The following MPHOSPH8 variants were observed in gnomAD, a reference collection of about 807,000 sequenced individuals.
MPHOSPH8 encodes the protein M-phase phosphoprotein 8.
MPHOSPH8 carries 45 observed loss-of-function variants against 87.3 expected under a neutral mutation model. The ratio of observed to expected loss-of-function variants is 0.52; its 90% confidence interval spans 0.41 to 0.66. The LOEUF (loss-of-function observed/expected upper bound fraction) is 0.66, where lower values mean the gene tolerates loss of function less well. Ranked by LOEUF, MPHOSPH8 falls within the 30% of genes least tolerant of loss-of-function variation. The pLI, the probability that MPHOSPH8 is intolerant of heterozygous loss-of-function variation, is 0.00. For synonymous variants in MPHOSPH8, 366 were observed against 376.9 expected (o/e 0.97, Z 0.33); for missense variants, 883 against 1,020.2 (o/e 0.87, Z 1.83).
At chr13:19,671,092 G>C (rs747248574) in intron 12 of MPHOSPH8, 114 bp from the exon 13 acceptor site, 79 of 1,478,220 alleles carry the variant, frequency 5.3e-5, no homozygotes, top group Non-Finnish European at 6.9e-5. Context: ...ACAACATCTT[G>C]ACTTATGAAA....
At chr13:19,670,966 C>T in intron 12 of MPHOSPH8, 1 of 1,047,496 alleles carries the variant, frequency 9.5e-7, no homozygotes, top group Non-Finnish European at 1.3e-6. Context: ...ACTAAAAATG[C>T]ACGCCACCAC....
At chr13:19,671,141 G>A in intron 12 of MPHOSPH8, 65 bp from the exon 13 acceptor site, 1 of 1,572,484 alleles carries the variant, frequency 6.4e-7, no homozygotes, top group African/African-American at 1.4e-5. Context: ...TTACATCATT[G>A]GTGTTTTAAG....
At position 19,646,936 on chromosome 13, in the gene MPHOSPH8, A is replaced by G; in HGVS notation, c.863A>G (p.Glu288Gly). Residue 288 changes from glutamate (E) to glycine (G), a missense_variant, in exon 3 of 14, where the codon GAA becomes GGA. Coordinates refer to ENST00000361479, the MANE Select transcript of MPHOSPH8 (RefSeq NM_017520.4). ...GAAGGGCTACATTCCGACAGCAGAG[A>G]AGAGAAACAAAACACTAAAAGTGCA... The part of the protein sequence containing the change: ...DSEGLHSDSR[E>G]EKQNTKSARE... 3.1e-6 allele frequency: 5 copies of G among 1,593,274 alleles called. No individual in the cohort carries two copies. Among genetic ancestry groups the G allele is most frequent in the Non-Finnish European group, 3.4e-6 (4 of 1,175,124 alleles).
chr13:19,646,712 CA>C lies in MPHOSPH8; in HGVS notation c.644del (p.Lys215SerfsTer7). Reference protein sequence around the residue: ...SEAKEELKESKKPKKDEVKET... With the variant: ...SEAKEELKESXKPKKDEVKET... ...AAGCCAAAGAAGAACTAAAGGAGTC[CA>C]AAAAGCCCAAAAAAGATGAAGTAAA... On this transcript the variant is annotated frameshift_variant, in exon 3 of 14. Coordinates refer to ENST00000361479, the MANE Select transcript of MPHOSPH8 (RefSeq NM_017520.4). LOFTEE classifies it high-confidence loss of function. The C allele has an allele frequency of 6.3e-7, 1 of 1,586,338 alleles. No individual in the cohort carries two copies. Among genetic ancestry groups the C allele is most frequent in the Admixed American group, 1.9e-5 (1 of 52,592 alleles).
intron 5 of MPHOSPH8, among the ~76,000 whole-genome samples, chr13:19,652,312 T>C (rs4769038): frequency 0.94 from 143,381 of 152,160 alleles, 68,150 homozygotes; most frequent in Non-Finnish European, 1. Context: ...TTGCCTCACC[T>C]GGGAAATGCA....
At chr13:19,659,664 CAA>C (rs563692515) in intron 7 of MPHOSPH8, 2,957 of 312,770 alleles carry the variant, frequency 9.5e-3, no homozygotes, top group South Asian at 0.016. Context: ...ACTCCCATCT[CAA>C]AAAAAAAAAA....
chr13:19,670,820 CTTTTT>C (rs3052670), intron 12 of MPHOSPH8: 541 of 965,356 alleles, frequency 5.6e-4, no homozygotes, highest in Non-Finnish European at 6.8e-4. Flanking sequence ...AAATAAATCA[CTTTTT>C]TTTTTTTTTT....
At chr13:19,645,495 G>T (rs1184637917) in intron 2 of MPHOSPH8, among the ~76,000 whole-genome samples, 1 of 152,148 alleles carries the variant, frequency 6.6e-6, no homozygotes, top group East Asian at 1.9e-4. Context: ...TATCTGGCCA[G>T]GCGCCGTGGC....
chr13:19,671,718 C>A, intron 13 of MPHOSPH8, 116 bp from the exon 14 acceptor site: 1 of 860,476 alleles, frequency 1.2e-6, no homozygotes, highest in Non-Finnish European at 1.9e-6. Context: ...AATTGATAAG[C>A]AACTTGAAAA....
chr13:19,638,134 C>T (rs981482508), intron 1 of MPHOSPH8, among the ~76,000 whole-genome samples: 1 of 151,808 alleles, frequency 6.6e-6, no homozygotes, highest in African/African-American at 2.4e-5. Context: ...AATAGTTTTC[C>T]TTTTGTATAT....
At chr13:19,670,728 G>A (rs1017320222) in intron 12 of MPHOSPH8, 3 of 1,169,142 alleles carry the variant, frequency 2.6e-6, no homozygotes, top group Non-Finnish European at 3.2e-6. Flanking sequence ...TTTAACACTT[G>A]TACTGTATAT....
intron 1 of MPHOSPH8, among the ~76,000 whole-genome samples, chr13:19,641,313 C>A (rs985241847): frequency 2.5e-5 from 3 of 118,134 alleles, no homozygotes; most frequent in Non-Finnish European, 5.0e-5. Flanking sequence ...TGCCACTGTG[C>A]CCAGCTAATT....
intron 7 of MPHOSPH8, 116 bp from the exon 8 acceptor site, chr13:19,661,582 G>GCCTA: frequency 9.5e-7 from 1 of 1,052,404 alleles, no homozygotes; most frequent in Non-Finnish European, 1.3e-6. Context: ...CTAAGTAGAT[G>GCCTA]CCTAAATCAG....
intron 1 of MPHOSPH8, among the ~76,000 whole-genome samples, chr13:19,639,311 C>CT (rs573374622): frequency 0.12 from 16,823 of 143,804 alleles, 1,082 homozygotes; most frequent in African/African-American, 0.14. Flanking sequence ...TCTGGAATGT[C>CT]TTTTTTTTTT....
chr13:19,673,146 G>T lies in MPHOSPH8; in HGVS notation c.*1271G>T, dbSNP rs529343538. 2.2e-6 allele frequency: 1 copy of T among 450,776 alleles called. No individual in the cohort carries two copies. Among genetic ancestry groups the T allele is most frequent in the Non-Finnish European group, 4.4e-6 (1 of 226,032 alleles). 27.9% of individuals were successfully genotyped at this position (450,776 alleles called of 1,614,324 possible). ...ACCTTGTGCCCTTGTTTTGAACACC[G>T]ACTGGGAAGATGGGGCTTAGGTAAC... is the stretch of plus-strand genomic sequence containing the variant. On this transcript the variant is annotated 3_prime_UTR_variant, in exon 14 of 14. Transcript: ENST00000361479.
At chr13:19,668,319 G>T (rs1875929958) in intron 10 of MPHOSPH8, 58 bp from the exon 11 acceptor site, 2 of 1,520,230 alleles carry the variant, frequency 1.3e-6, no homozygotes, top group Non-Finnish European at 9.0e-7. Flanking sequence ...ACTGGTATTC[G>T]ACAGGCTTGT....
intron 9 of MPHOSPH8, 148 bp downstream of exon 9, chr13:19,663,274 A>T (rs959779991): frequency 2.4e-5 from 17 of 709,796 alleles, no homozygotes; most frequent in Non-Finnish European, 4.1e-5. Context: ...GGGGAGAAGG[A>T]GAAGCGGGCT....
Position 19,633,961 on chromosome 13 carries a change from G to T in MPHOSPH8, c.213G>T (p.Gly71=), listed in dbSNP as rs1329882152. Residue 71 remains glycine (G), a splice_region_variant and synonymous_variant, in exon 1 of 14, where the codon GGG becomes GGT. Transcript: ENST00000361479. ...VEKILDMKTE[G]GKVLYKVRWK... ...AGATCCTGGACATGAAGACCGAGGG[G>T]GTATGTGGAGGGGCCCCGGCGCGGG... 1.9e-6 allele frequency: 3 copies of T among 1,605,586 alleles called. No individual in the cohort carries two copies. The highest frequency in any genetic ancestry group is 1.7e-6 in the Non-Finnish European group (2 of 1,176,800).
At chr13:19,648,571 A>G in intron 4 of MPHOSPH8, 50 bp downstream of exon 4, 1 of 830,344 alleles carries the variant, frequency 1.2e-6, no homozygotes, top group Non-Finnish European at 1.7e-6. Context: ...TCTTTTATAC[A>G]AATAACCAGT....
Sources: gnomAD v4.1 joint callset for allele counts (sites outside exome capture counted in the v4.1 genomes callset) on GRCh38, gnomAD v4.1.1 for gene constraint, MANE v1.5 for transcripts, NCBI Gene and HGNC (gene_info 2026-07-23, HGNC 2026-07-21) for gene names.